Variants in WDFY2 observed in about 807,000 individuals in gnomAD.
WDFY2 encodes WD repeat and FYVE domain-containing protein 2.
In WDFY2, 36 loss-of-function variants were observed where a neutral mutation model predicts 56.4. The ratio of observed to expected loss-of-function variants is 0.64; its 90% confidence interval spans 0.49 to 0.84. WDFY2 has a LOEUF of 0.84. WDFY2 is among the 40% of genes least tolerant of loss of function. The probability of loss-of-function intolerance (pLI) is 0.00; values close to 1 mark genes in which losing one functional copy is unlikely to be tolerated. For synonymous variants in WDFY2, 176 were observed against 183.7 expected (o/e 0.96, Z 0.34); for missense variants, 444 against 512.2 (o/e 0.87, Z 1.29).
At chr13:51,602,758 T>C (rs1954310702) in intron 1 of WDFY2, among the ~76,000 whole-genome samples, 1 of 152,240 alleles carries the variant, frequency 6.6e-6, no homozygotes, top group Non-Finnish European at 1.5e-5. Flanking sequence ...CATTTGGATA[T>C]TGGAGAGATA....
intron 1 of WDFY2, among the ~76,000 whole-genome samples, chr13:51,609,521 A>C (rs1334213361): frequency 1.3e-5 from 2 of 151,934 alleles, no homozygotes; most frequent in African/African-American, 4.8e-5. Flanking sequence ...GCAAGACTGT[A>C]GCTCCTGGGA....
intron 5 of WDFY2, among the ~76,000 whole-genome samples, chr13:51,722,482 A>C (rs1952512751): frequency 6.6e-6 from 1 of 152,216 alleles, no homozygotes; most frequent in Admixed American, 6.5e-5. Flanking sequence ...GAATGACAAT[A>C]ATAAGAAGGA....
At chr13:51,757,546 C>T (rs1276853148) in intron 10 of WDFY2, among the ~76,000 whole-genome samples, 1 of 151,604 alleles carries the variant, frequency 6.6e-6, no homozygotes, top group East Asian at 1.9e-4. Context: ...CACCCTGCAC[C>T]TTTTCCCGCC....
At chr13:51,756,940 C>T (rs1252825652) in intron 10 of WDFY2, among the ~76,000 whole-genome samples, 2 of 152,204 alleles carry the variant, frequency 1.3e-5, no homozygotes, top group Non-Finnish European at 2.9e-5. Context: ...GTCAGACCTG[C>T]CCAGTAACCC....
intron 4 of WDFY2, among the ~76,000 whole-genome samples, chr13:51,711,454 T>G (rs1485148195): frequency 2.0e-4 from 30 of 148,786 alleles, no homozygotes; most frequent in Admixed American, 4.0e-4. Context: ...CTAATTAAAC[T>G]AAAGAGCTTC....
chr13:51,744,059 A>G (rs2138699485), intron 7 of WDFY2, among the ~76,000 whole-genome samples: 2 of 152,334 alleles, frequency 1.3e-5, no homozygotes, highest in South Asian at 4.1e-4. Context: ...TCCCTGAGGA[A>G]GCAGATCCCT....
In WDFY2 at chr13:51,755,434, A is replaced by T. The variant is rs757196254; in HGVS notation, c.908A>T (p.Asp303Val). 1.4e-5 allele frequency: 22 copies of T among 1,614,218 alleles called. 1 individual carries two copies. The South Asian group carries it at 2.4e-4, about 18-fold the overall frequency. ...PFFWNFKQMW[D>V]SKKIGLRQHH... The stretch of plus-strand genomic sequence containing the variant: ...TTCTGGAACTTCAAGCAAATGTGGG[A>T]CAGTAAGAAAATTGGTCTAAGACAG... The change falls in exon 9 of 12, where the codon GAC becomes GTC. Residue 303 changes from aspartate (D) to valine (V), a missense_variant. Coordinates refer to ENST00000298125, the MANE Select transcript of WDFY2 (RefSeq NM_052950.4).
chr13:51,636,309 A>G (rs952351518), intron 1 of WDFY2, among the ~76,000 whole-genome samples: 16 of 152,300 alleles, frequency 1.1e-4, no homozygotes, highest in African/African-American at 3.8e-4. Context: ...TCATTTTACA[A>G]TGATCTTAGT....
intron 1 of WDFY2, among the ~76,000 whole-genome samples, chr13:51,625,832 A>G (rs1337016223): frequency 6.6e-6 from 1 of 152,248 alleles, no homozygotes; most frequent in Non-Finnish European, 1.5e-5. Context: ...AAGGAAGCTG[A>G]TATCAATGGA....
intron 5 of WDFY2, among the ~76,000 whole-genome samples, chr13:51,726,173 C>G (rs1259527308): frequency 2.0e-5 from 3 of 152,170 alleles, no homozygotes; most frequent in Admixed American, 6.5e-5. Context: ...TTGTATTTCT[C>G]TCTGTTTCTT....
chr13:51,729,411 T>TA (rs766653299), intron 6 of WDFY2, among the ~76,000 whole-genome samples: 2,465 of 136,714 alleles, frequency 0.018, 29 homozygotes, highest in African/African-American at 0.046. Context: ...ATAGAAGCTT[T>TA]AAAAAAAAAA....
intron 1 of WDFY2, among the ~76,000 whole-genome samples, chr13:51,605,228 G>A (rs1250366940): frequency 6.6e-6 from 1 of 152,206 alleles, no homozygotes; most frequent in Non-Finnish European, 1.5e-5. Context: ...CATATGGACA[G>A]CACATTGGAT....
rs767526434 is a variant in WDFY2 at position 51,758,239 on chromosome 13, A to G, written c.1112A>G (p.His371Arg). The part of the protein sequence containing the change: ...TFHDSKHNIV[H>R]VHFDATRGWL... ...CATGACAGTAAACATAACATTGTGC[A>G]TGTGCATTTCGATGCAACCAGAGGA... The change falls in exon 11 of 12, where the codon CAT becomes CGT. Residue 371 changes from histidine (H) to arginine (R), a missense_variant. Transcript: ENST00000298125. 2.5e-6 allele frequency: 4 copies of G among 1,600,462 alleles called. No individual in the cohort carries two copies. Among genetic ancestry groups the G allele is most frequent in the Non-Finnish European group, 1.7e-6 (2 of 1,169,530 alleles).
rs757283890 is a variant in WDFY2, at chr13:51,660,363, AT to A, written c.138-218del. ...AGGCGCACACCACTACTCTCAGCTA[AT>A]TTTTTTTTTTTTTTCAGTAGAGACA... is the stretch of plus-strand genomic sequence containing the variant. On this transcript the variant is annotated intron_variant, in intron 1 of 11. Coordinates refer to ENST00000298125, the MANE Select transcript of WDFY2 (RefSeq NM_052950.4). Among the ~76,000 whole-genome samples, 953 of 138,646 alleles carry A rather than the reference AT, an allele frequency of 6.9e-3. 7 individuals carry two copies. The highest frequency in any genetic ancestry group is 0.017 in the African/African-American group (656 of 37,808). The allele number at this position is 138,646 out of a possible 152,430, so 91.0% of individuals were successfully genotyped here.
chr13:51,711,672 C>G (rs1356389795), intron 4 of WDFY2, among the ~76,000 whole-genome samples: 1 of 152,160 alleles, frequency 6.6e-6, no homozygotes, highest in Non-Finnish European at 1.5e-5. Context: ...TTTATGCAGC[C>G]AACAGACACA....
chr13:51,584,635 C>T lies in WDFY2; in HGVS notation c.-53C>T. 6.4e-7 allele frequency: 1 copy of T among 1,572,154 alleles called. No individual in the cohort carries two copies. The highest frequency in any genetic ancestry group is 8.6e-7 in the Non-Finnish European group (1 of 1,162,872). On this transcript the variant is annotated 5_prime_UTR_variant, in exon 1 of 12. Coordinates refer to ENST00000298125, the MANE Select transcript of WDFY2 (RefSeq NM_052950.4). ...GTCCGTGCTCCAGCAGTCTCCTCAG[C>T]CCGGCCCCGCGGCGCGGTTGGCGGC...
At chr13:51,620,070 A>G (rs949426873) in intron 1 of WDFY2, among the ~76,000 whole-genome samples, 1 of 152,234 alleles carries the variant, frequency 6.6e-6, no homozygotes, top group African/African-American at 2.4e-5. Flanking sequence ...ACAGAAATAC[A>G]GGAGGGGAGG....
At chr13:51,736,303 C>T (rs769600835) in intron 6 of WDFY2, among the ~76,000 whole-genome samples, 1 of 152,140 alleles carries the variant, frequency 6.6e-6, no homozygotes, top group Non-Finnish European at 1.5e-5. Flanking sequence ...GGCACAGAAA[C>T]GTTAAGTAAC....
chr13:51,708,295 C>A (rs1952131547), intron 4 of WDFY2, among the ~76,000 whole-genome samples: 1 of 148,696 alleles, frequency 6.7e-6, no homozygotes, highest in African/African-American at 2.5e-5. Flanking sequence ...AGTTTGAGAC[C>A]AGCCTGGGCA....
Sources: gnomAD v4.1 joint callset for allele counts (sites outside exome capture counted in the v4.1 genomes callset) on GRCh38, gnomAD v4.1.1 for gene constraint, MANE v1.5 for transcripts, NCBI Gene and HGNC (gene_info 2026-07-23, HGNC 2026-07-21) for gene names.